Variants in CTNNA3 observed in about 807,000 individuals in gnomAD.
The protein encoded by CTNNA3 is catenin alpha 3.
A neutral mutation model predicts 95.7 loss-of-function variants in CTNNA3; 76 were observed. The ratio of observed to expected loss-of-function variants is 0.79; its 90% CI spans 0.66 to 0.96. The LOEUF (loss-of-function observed/expected upper bound fraction) is 0.96, where lower values mean the gene tolerates loss of function less well. CTNNA3 is among the 40% of genes least tolerant of loss of function. The probability of loss-of-function intolerance (pLI) is 0.00; values close to 1 mark genes in which losing one functional copy is unlikely to be tolerated. For missense variants in CTNNA3, 1,191 were observed against 1,089.8 expected, an observed-to-expected ratio of 1.09 and a Z score of -1.31; for synonymous variants, 431 against 374.4, an observed-to-expected ratio of 1.15 and a Z score of -1.74.
At chr10:66,194,699 G>C (rs1182662977) in intron 13 of CTNNA3, among the ~76,000 whole-genome samples, 1 of 152,178 alleles carries the variant, frequency 6.6e-6, no homozygotes, top group Non-Finnish European at 1.5e-5. Context: ...TTTTTTCTCA[G>C]ATTTATGGTG....
chr10:66,618,060 A>G (rs150185260), intron 10 of CTNNA3, among the ~76,000 whole-genome samples: 113,560 of 150,926 alleles, frequency 0.75, 43,694 homozygotes, highest in African/African-American at 0.89. Flanking sequence ...GGAAATAAAA[A>G]AGGATACAAA....
At chr10:66,947,629 T>G (rs1005576213) in intron 7 of CTNNA3, among the ~76,000 whole-genome samples, 1 of 152,222 alleles carries the variant, frequency 6.6e-6, no homozygotes, top group African/African-American at 2.4e-5. Flanking sequence ...CTTCATAATT[T>G]GTATTTTTTC....
At chr10:67,347,886 T>C (rs1842493058) in intron 5 of CTNNA3, among the ~76,000 whole-genome samples, 1 of 149,984 alleles carries the variant, frequency 6.7e-6, no homozygotes, top group East Asian at 2.0e-4. Context: ...CTCTTCCACA[T>C]TCTGTGGCAT....
chr10:66,385,744 T>C (rs969900620), intron 11 of CTNNA3, among the ~76,000 whole-genome samples: 3 of 152,136 alleles, frequency 2.0e-5, no homozygotes, highest in Non-Finnish European at 2.9e-5. Context: ...TCATCCACCA[T>C]GATCAAGTAG....
At chr10:66,782,701 G>C (rs982930402) in intron 7 of CTNNA3, among the ~76,000 whole-genome samples, 4 of 152,208 alleles carry the variant, frequency 2.6e-5, no homozygotes, top group South Asian at 4.1e-4. Context: ...ATGAAGAATT[G>C]TTAACCATAC....
intron 3 of CTNNA3, among the ~76,000 whole-genome samples, chr10:67,549,080 A>C (rs911352592): frequency 1.3e-5 from 2 of 152,196 alleles, no homozygotes; most frequent in African/African-American, 4.8e-5. Flanking sequence ...AGGACCTTTG[A>C]ATAAGTTTTT....
At chr10:67,552,602 G>A (rs994672367) in intron 3 of CTNNA3, among the ~76,000 whole-genome samples, 4 of 151,900 alleles carry the variant, frequency 2.6e-5, no homozygotes, top group Admixed American at 6.6e-5. Flanking sequence ...TTGCTGCATA[G>A]ATCATCCCAT....
At chr10:67,130,933 T>C (rs1294092507) in intron 7 of CTNNA3, among the ~76,000 whole-genome samples, 2 of 152,076 alleles carry the variant, frequency 1.3e-5, no homozygotes, top group Non-Finnish European at 2.9e-5. Flanking sequence ...AGGTAAGTCA[T>C]TCAAGAAGGT....
intron 11 of CTNNA3, among the ~76,000 whole-genome samples, chr10:66,438,790 G>A (rs1442207583): frequency 6.6e-6 from 1 of 152,170 alleles, no homozygotes; most frequent in African/African-American, 2.4e-5. Context: ...CAGCTGCCCA[G>A]TTTCGTGCTT....
intron 7 of CTNNA3, among the ~76,000 whole-genome samples, chr10:67,018,235 T>C (rs1345318908): frequency 6.6e-6 from 1 of 152,180 alleles, no homozygotes; most frequent in African/African-American, 2.4e-5. Flanking sequence ...TTACTTAAAA[T>C]GAGAGCATAA....
Position 66,199,809 on chromosome 10 carries a change from T to TAA in CTNNA3, c.1884+80660_1884+80661insTT, listed in dbSNP as rs2087270469. ...TATATATATATATATATATATATTTTTTTTTTTTTTTTTTTTTTTTTTTTA... is the reference window on the plus strand; with the variant it reads ...TATATATATATATATATATATATTTTAATTTTTTTTTTTTTTTTTTTTTTTTA... On this transcript the variant is annotated intron_variant, in intron 13 of 17. Coordinates refer to ENST00000433211, the MANE Select transcript of CTNNA3 (RefSeq NM_013266.4). 1.7e-4 allele frequency among the ~76,000 whole-genome samples: 4 copies of TAA among 22,988 alleles called. 1 individual carries two copies. Among genetic ancestry groups the TAA allele is most frequent in the African/African-American group, 5.9e-4 (4 of 6,742 alleles). 15.1% of individuals were successfully genotyped at this position (22,988 alleles called of 152,430 possible). A position where few individuals can be genotyped will look rare whatever the true frequency, so the allele number is the denominator to read the frequency against.
At chr10:66,760,625 A>C (rs1039726005) in intron 9 of CTNNA3, among the ~76,000 whole-genome samples, 1 of 152,158 alleles carries the variant, frequency 6.6e-6, no homozygotes, top group African/African-American at 2.4e-5. Context: ...TGATTGTGGG[A>C]AGGCTCTTAC....
rs970299079 is a variant in CTNNA3 at position 65,918,278 on chromosome 10, C to T, written c.*2052G>A. ...GACATTAGATTTTCTAAATGAGATG[C>T]TTATGATTCTTGTGAATGTGGCTTT... On this transcript the variant is annotated 3_prime_UTR_variant, in exon 18 of 18. Coordinates refer to ENST00000433211, the MANE Select transcript of CTNNA3 (RefSeq NM_013266.4). The T allele has an allele frequency of 6.6e-6, 1 of 152,052 alleles. No homozygotes were observed. The highest frequency in any genetic ancestry group is 1.5e-5 in the Non-Finnish European group (1 of 68,018). 9.4% of individuals were successfully genotyped at this position (152,052 alleles called of 1,614,324 possible). A position where few individuals can be genotyped will look rare whatever the true frequency, so the allele number is the denominator to read the frequency against.
chr10:66,096,526 CTTT>C (rs5785749), intron 14 of CTNNA3, among the ~76,000 whole-genome samples: 28 of 135,424 alleles, frequency 2.1e-4, no homozygotes, highest in Middle Eastern at 3.8e-3. Flanking sequence ...TCTTTTCTTT[CTTT>C]TTTTTTTTTT....
At chr10:66,081,707 T>C (rs1363892886) in intron 14 of CTNNA3, among the ~76,000 whole-genome samples, 1 of 152,154 alleles carries the variant, frequency 6.6e-6, no homozygotes, top group African/African-American at 2.4e-5. Flanking sequence ...GTGAGCAAAG[T>C]AGAAAATCAT....
intron 5 of CTNNA3, among the ~76,000 whole-genome samples, chr10:67,401,339 A>T (rs1844913454): frequency 6.6e-6 from 1 of 152,210 alleles, no homozygotes; most frequent in South Asian, 2.1e-4. Context: ...TACAGTCAGA[A>T]ATTGCCACTC....
At chr10:66,130,171 A>G (rs1399967072) in intron 13 of CTNNA3, among the ~76,000 whole-genome samples, 1 of 152,192 alleles carries the variant, frequency 6.6e-6, no homozygotes, top group African/African-American at 2.4e-5. Context: ...TGCACCCACC[A>G]CAAACATACA....
intron 15 of CTNNA3, among the ~76,000 whole-genome samples, chr10:66,036,174 C>T (rs1338371918): frequency 5.3e-5 from 8 of 152,254 alleles, no homozygotes; most frequent in Admixed American, 2.6e-4. Context: ...GGATTTGTAA[C>T]ATTACTATCT....
At chr10:67,691,877 G>A (rs1380157358) in intron 1 of CTNNA3, among the ~76,000 whole-genome samples, 4 of 149,770 alleles carry the variant, frequency 2.7e-5, no homozygotes, top group Non-Finnish European at 4.5e-5. Context: ...TGCCCCGTCC[G>A]GGAGGGAGGT....
Sources: allele counts gnomAD v4.1 joint callset (sites outside exome capture counted in the v4.1 genomes callset), GRCh38; gene constraint gnomAD v4.1.1; transcripts MANE v1.5; gene names NCBI Gene and HGNC (gene_info 2026-07-23, HGNC 2026-07-21).